The following ABCB4 variants were observed in gnomAD, a reference collection of about 807,000 sequenced individuals.
The protein encoded by ABCB4 is phosphatidylcholine translocator ABCB4.
In ABCB4, 76 loss-of-function variants were observed where a neutral mutation model predicts 145.7. The observed-to-expected ratio is 0.52, with a 90% CI of 0.43 to 0.63. ABCB4 has a LOEUF of 0.63. Ranked by LOEUF, ABCB4 falls within the 30% of genes least tolerant of loss-of-function variation. The pLI is 0.00. For synonymous variants in ABCB4, 517 were observed against 566.8 expected, an observed-to-expected ratio of 0.91 and a Z score of 1.25; for missense variants, 1,234 against 1,553.1, an observed-to-expected ratio of 0.79 and a Z score of 3.45.
chr7:87,417,179 A>G (rs1051584877), intron 21 of ABCB4, 133 bp downstream of exon 21: 2 of 828,118 alleles, frequency 2.4e-6, no homozygotes, highest in Non-Finnish European at 3.9e-6. Flanking sequence ...TATTTCATAC[A>G]CAATTGACAA....
chr7:87,462,448 C>A (rs987299918), intron 4 of ABCB4, among the ~76,000 whole-genome samples: 1 of 152,186 alleles, frequency 6.6e-6, no homozygotes, highest in Non-Finnish European at 1.5e-5. Flanking sequence ...GGGATGGATA[C>A]TGCATAGAGA....
the ABCB4 span, among the ~76,000 whole-genome samples, chr7:87,392,016 G>C: frequency 8.6e-3 from 1,313 of 152,196 alleles, 32 homozygotes; most frequent in African/African-American, 0.03. Flanking sequence ...GAAATCCCAA[G>C]GTGCCTTTAA....
At chr7:87,398,331 A>G, downstream of ABCB4, 2 of 712,608 alleles carry the variant, frequency 2.8e-6, no homozygotes, top group Non-Finnish European at 5.0e-6. Flanking sequence ...TAGTCATCTA[A>G]TGAATGAGGT....
Position 87,423,986 on chromosome 7 carries a change from A to T in ABCB4, c.2131T>A (p.Phe711Ile). 6.2e-7 allele frequency: 1 copy of T among 1,614,098 alleles called. No homozygotes were observed. Among genetic ancestry groups the T allele is most frequent in the Non-Finnish European group, 8.5e-7 (1 of 1,179,978 alleles). Residue 711 changes from phenylalanine to isoleucine, a missense_variant, in exon 17 of 28, where the codon TTT (phenylalanine) becomes ATT (isoleucine). Transcript: ENST00000649586. The part of the protein sequence containing the change: ...LKLNKTEWPY[F>I]VVGTVCAIAN... Reference sequence around the variant, plus strand: ...ATGGCACATACTGTTCCCACGACAAAGTAGGGCCATTCTGTTTTATTCAGT... The same window carrying T: ...ATGGCACATACTGTTCCCACGACAATGTAGGGCCATTCTGTTTTATTCAGT...
chr7:87,389,315 C>A, the ABCB4 span, among the ~76,000 whole-genome samples: 1 of 152,178 alleles, frequency 6.6e-6, no homozygotes, highest in East Asian at 1.9e-4. Flanking sequence ...TATAAAGATA[C>A]ATGCACACAT....
intron 2 of ABCB4, among the ~76,000 whole-genome samples, chr7:87,474,566 T>C (rs1813654949): frequency 6.6e-6 from 1 of 152,182 alleles, no homozygotes; most frequent in African/African-American, 2.4e-5. Context: ...GGTGATCACT[T>C]GACACAGGTC....
downstream of ABCB4, among the ~76,000 whole-genome samples, chr7:87,397,885 C>T (rs551188964): frequency 3.3e-5 from 5 of 152,238 alleles, no homozygotes; most frequent in East Asian, 7.7e-4. Context: ...ATTCATATTT[C>T]GCTATAGAAA....
chr7:87,369,524 G>C, the ABCB4 span: 3 of 1,390,672 alleles, frequency 2.2e-6, no homozygotes, highest in Non-Finnish European at 3.0e-6. Flanking sequence ...AGGTCTTATG[G>C]TGTTGCTTGA....
At chr7:87,443,557 C>G in intron 11 of ABCB4, 106 bp downstream of exon 11, 1 of 1,543,494 alleles carries the variant, frequency 6.5e-7, no homozygotes, top group Non-Finnish European at 8.9e-7. Flanking sequence ...AATATAACCC[C>G]CAAAGGAAAA....
At chr7:87,449,911 A>C (rs1811595470) in intron 8 of ABCB4, 57 bp downstream of exon 8, 18 of 1,613,518 alleles carry the variant, frequency 1.1e-5, no homozygotes, top group South Asian at 2.2e-5. Flanking sequence ...CACAAAGAAG[A>C]AGCAACAAAA....
intron 25 of ABCB4, among the ~76,000 whole-genome samples, chr7:87,406,788 C>T (rs771544854): frequency 6.6e-6 from 1 of 152,166 alleles, no homozygotes; most frequent in Non-Finnish European, 1.5e-5. Flanking sequence ...TCCTACTCTG[C>T]GTTAAAGAAG....
chr7:87,435,060 A>G (rs1245509798), intron 14 of ABCB4, among the ~76,000 whole-genome samples: 1 of 152,228 alleles, frequency 6.6e-6, no homozygotes, highest in Non-Finnish European at 1.5e-5. Flanking sequence ...AACAGTAGAT[A>G]TAATAGTGAT....
At chr7:87,390,266 T>A in the ABCB4 span, among the ~76,000 whole-genome samples, 1 of 152,176 alleles carries the variant, frequency 6.6e-6, no homozygotes, top group Non-Finnish European at 1.5e-5. Context: ...TAAGAGTGTG[T>A]TTACTTGTCA....
At chr7:87,439,640 T>C in intron 14 of ABCB4, 27 bp downstream of exon 14, 2 of 1,613,788 alleles carry the variant, frequency 1.2e-6, no homozygotes, top group South Asian at 2.2e-5. Context: ...AATGTGGTGG[T>C]CCTTCAGCTT....
chr7:87,369,526 G>A, the ABCB4 span: 995,439 of 1,333,060 alleles, frequency 0.75, 376,340 homozygotes, highest in Non-Finnish European at 0.77. Context: ...GTCTTATGGT[G>A]TTGCTTGAAT....
chr7:87,378,441 T>C, the ABCB4 span, among the ~76,000 whole-genome samples: 8 of 152,012 alleles, frequency 5.3e-5, no homozygotes, highest in South Asian at 1.5e-3. Flanking sequence ...CGTAAGAAGA[T>C]ATTTGTTGGC....
In ABCB4 at chr7:87,401,960, T is replaced by C. The variant is rs45554331; in HGVS notation, c.*136A>G. On this transcript the variant is annotated 3_prime_UTR_variant, in exon 28 of 28. Coordinates refer to ENST00000649586, the MANE Select transcript of ABCB4 (RefSeq NM_000443.4). ...TTCAAATGCCGTAATAAACCCCAAATTGGGTCTTCTAAATTGATCTAGAAT... is the reference window on the plus strand; with the variant it reads ...TTCAAATGCCGTAATAAACCCCAAACTGGGTCTTCTAAATTGATCTAGAAT... 4.9e-5 allele frequency: 59 copies of C among 1,214,638 alleles called. No individual in the cohort carries two copies. The highest frequency in any genetic ancestry group is 6.5e-5 in the Non-Finnish European group (55 of 847,538). 75.2% of individuals were successfully genotyped at this position (1,214,638 alleles called of 1,614,324 possible). A position where few individuals can be genotyped will look rare whatever the true frequency, so the allele number is the denominator to read the frequency against.
the ABCB4 span, among the ~76,000 whole-genome samples, chr7:87,390,750 A>G: frequency 6.6e-6 from 1 of 152,154 alleles, no homozygotes; most frequent in Non-Finnish European, 1.5e-5. Context: ...CTAGTCCTTC[A>G]TGTTCTATAT....
chr7:87,438,507 G>A (rs1810756571), intron 14 of ABCB4, among the ~76,000 whole-genome samples: 1 of 152,148 alleles, frequency 6.6e-6, no homozygotes, highest in Admixed American at 6.6e-5. Flanking sequence ...CTAGCACTTT[G>A]GGAGGTTGAG....
Sources: allele counts gnomAD v4.1 joint callset (sites outside exome capture counted in the v4.1 genomes callset), GRCh38; gene constraint gnomAD v4.1.1; transcripts MANE v1.5; gene names NCBI Gene and HGNC (gene_info 2026-07-23, HGNC 2026-07-21).